The following RAPGEF4 variants were observed in gnomAD, a reference collection of about 807,000 sequenced individuals.
RAPGEF4 encodes Rap guanine nucleotide exchange factor 4.
In RAPGEF4, 66 loss-of-function variants were observed where a neutral mutation model predicts 147.9. The ratio of observed to expected loss-of-function variants is 0.45; its 90% CI spans 0.37 to 0.55. The LOEUF (loss-of-function observed/expected upper bound fraction) is 0.55. Among genes scored for constraint, RAPGEF4 ranks in the 20% least tolerant of loss-of-function variants. RAPGEF4 has a pLI of 0.00. For missense variants in RAPGEF4, 1,071 were observed against 1,257.3 expected (o/e 0.85, Z 2.24); for synonymous variants, 419 against 442.7 (o/e 0.95, Z 0.67).
In RAPGEF4 at chr2:173,034,873, A is replaced by AACACACACACAC. The variant is rs34646146; in HGVS notation, c.2700+935_2700+946dup. On this transcript the variant is annotated intron_variant, in intron 27 of 30. Transcript: ENST00000397081. ...GGGTGACAGAGTGCGACCCCGTCTC[A>AACACACACACAC]ACACACACACACACACACACACACA... Among the ~76,000 whole-genome samples, 889 of 140,934 alleles carry AACACACACACAC rather than the reference A, an allele frequency of 6.3e-3. 13 individuals are homozygous for AACACACACACAC. Among genetic ancestry groups the AACACACACACAC allele is most frequent in the African/African-American group, 0.022 (830 of 37,856 alleles). 92.5% of individuals were successfully genotyped at this position (140,934 alleles called of 152,430 possible). A position where few individuals can be genotyped will look rare whatever the true frequency, so the allele number is the denominator to read the frequency against.
chr2:173,015,672 C>T (rs1260300292), intron 18 of RAPGEF4, among the ~76,000 whole-genome samples: 1 of 152,184 alleles, frequency 6.6e-6, no homozygotes, highest in Non-Finnish European at 1.5e-5. Flanking sequence ...GTGTAGCTGG[C>T]ACTGCCATGG....
chr2:172,943,192 C>G (rs540922893), intron 6 of RAPGEF4, among the ~76,000 whole-genome samples: 1 of 152,192 alleles, frequency 6.6e-6, no homozygotes, highest in Non-Finnish European at 1.5e-5. Flanking sequence ...GAGAGGCAGG[C>G]AGAGGTGATG....
chr2:172,872,254 C>G (rs1695327539), intron 4 of RAPGEF4, among the ~76,000 whole-genome samples: 1 of 152,144 alleles, frequency 6.6e-6, no homozygotes, highest in African/African-American at 2.4e-5. Context: ...TAACAAAACT[C>G]TTCAGAGGCT....
At chr2:172,871,917 C>T (rs1265055033) in intron 4 of RAPGEF4, among the ~76,000 whole-genome samples, 1 of 152,148 alleles carries the variant, frequency 6.6e-6, no homozygotes, top group Non-Finnish European at 1.5e-5. Context: ...AGTTAACCAA[C>T]TTGCTTGGAG....
At chr2:172,867,097 T>C (rs1473308010) in intron 4 of RAPGEF4, among the ~76,000 whole-genome samples, 1 of 151,906 alleles carries the variant, frequency 6.6e-6, no homozygotes, top group African/African-American at 2.4e-5. Flanking sequence ...TCAGTCTCCC[T>C]AGTAGCTGGG....
intron 1 of RAPGEF4, among the ~76,000 whole-genome samples, chr2:172,768,606 G>A (rs181349585): frequency 4.6e-4 from 70 of 152,082 alleles, no homozygotes; most frequent in African/African-American, 1.6e-3. Context: ...TGTAGGTGCC[G>A]GTGACATCAT....
At chr2:172,913,096 A>C (rs1249352727) in intron 4 of RAPGEF4, among the ~76,000 whole-genome samples, 1 of 151,884 alleles carries the variant, frequency 6.6e-6, no homozygotes, top group African/African-American at 2.4e-5. Context: ...GGGTTTCACC[A>C]TGTTGGCCAA....
rs537998754 is a variant in RAPGEF4, at chr2:172,914,743, A to G, written c.445-3059A>G. Among the ~76,000 whole-genome samples the G allele has an allele frequency of 1.8e-4, 28 of 152,360 alleles. No homozygotes were observed. The South Asian group carries it at 5.6e-3, about 30-fold the overall frequency. ...GTATCATTTTACACTGCTATAAGCA[A>G]TATATGAGATAACATGTTTGCTTCA... On this transcript the variant is annotated intron_variant, in intron 4 of 30. Coordinates refer to ENST00000397081, the MANE Select transcript of RAPGEF4 (RefSeq NM_007023.4).
In RAPGEF4 at chr2:172,983,586, T is replaced by C. The variant is rs773794279; in HGVS notation, c.1089+6T>C. Reference sequence around the variant, plus strand: ...TATCCCATCTTTCTACCACAGTAAGTTGTCTCTTAGTTTAGCATGGTTGGA... The same window carrying C: ...TATCCCATCTTTCTACCACAGTAAGCTGTCTCTTAGTTTAGCATGGTTGGA... On this transcript the variant is annotated splice_donor_region_variant and intron_variant, in intron 11 of 30. Transcript: ENST00000397081. 3.7e-6 allele frequency: 6 copies of C among 1,613,408 alleles called. No individual in the cohort carries two copies. The highest frequency in any genetic ancestry group is 5.1e-6 in the Non-Finnish European group (6 of 1,179,844).
chr2:172,987,732 G>A (rs1396851134), intron 12 of RAPGEF4, among the ~76,000 whole-genome samples: 1 of 152,192 alleles, frequency 6.6e-6, no homozygotes, highest in Admixed American at 6.5e-5. Context: ...AGCATCTGTG[G>A]ATTTTGATAT....
In RAPGEF4 at chr2:172,996,415, A is replaced by G. The variant is rs1693368705; in HGVS notation, c.1491-51A>G. 8 of 1,112,544 alleles carry G rather than the reference A, an allele frequency of 7.2e-6. No homozygotes were observed. In the Admixed American group the frequency reaches 1.9e-4, roughly 27 times the overall value. 68.9% of individuals were successfully genotyped at this position (1,112,544 alleles called of 1,614,324 possible). On this transcript the variant is annotated intron_variant, in intron 15 of 30. Coordinates refer to ENST00000397081, the MANE Select transcript of RAPGEF4 (RefSeq NM_007023.4). ...AACTTAGATAAGTAAAAGTTTTTTT[A>G]ATGATTTGCCCACTTTTGAAAAATT...
chr2:172,923,362 G>A (rs930702957), intron 6 of RAPGEF4, among the ~76,000 whole-genome samples: 4 of 151,994 alleles, frequency 2.6e-5, no homozygotes, highest in East Asian at 1.9e-4. Flanking sequence ...TCTGCCTCCC[G>A]GATTCAAGTG....
chr2:172,926,133 C>T (rs1311267854), intron 6 of RAPGEF4, among the ~76,000 whole-genome samples: 1 of 151,896 alleles, frequency 6.6e-6, no homozygotes, highest in African/African-American at 2.4e-5. Context: ...GCCAATAAAG[C>T]AAGTTGATTA....
intron 6 of RAPGEF4, among the ~76,000 whole-genome samples, chr2:172,945,236 C>T (rs1687572186): frequency 6.6e-6 from 1 of 151,996 alleles, no homozygotes; most frequent in Non-Finnish European, 1.5e-5. Flanking sequence ...ATGTAGTATG[C>T]TACTTTTCTG....
At chr2:173,005,528 T>TTTTTTG (rs1345201820) in intron 17 of RAPGEF4, among the ~76,000 whole-genome samples, 4,104 of 136,954 alleles carry the variant, frequency 0.03, 260 homozygotes, top group African/African-American at 0.097. Context: ...GTGTTTTTTT[T>TTTTTTG]TTTTTTTTTT....
chr2:172,841,791 AAC>A (rs3064818), intron 4 of RAPGEF4, among the ~76,000 whole-genome samples: 1,700 of 146,732 alleles, frequency 0.012, 15 homozygotes, highest in African/African-American at 0.035. Flanking sequence ...TTGGCTGAAT[AAC>A]ACACACACAC....
intron 1 of RAPGEF4, among the ~76,000 whole-genome samples, chr2:172,737,171 C>A (rs1408423676): frequency 2.6e-5 from 4 of 152,184 alleles, no homozygotes; most frequent in Non-Finnish European, 2.9e-5. Flanking sequence ...TCTTGACTTT[C>A]AATTACCACT....
chr2:172,850,045 G>C (rs1559074673), intron 4 of RAPGEF4, among the ~76,000 whole-genome samples: 1 of 152,124 alleles, frequency 6.6e-6, no homozygotes, highest in Admixed American at 6.5e-5. Flanking sequence ...TCTCAGTTTT[G>C]ATGAGCCTGT....
chr2:172,750,644 A>G (rs1484364139), intron 1 of RAPGEF4, among the ~76,000 whole-genome samples: 1 of 152,134 alleles, frequency 6.6e-6, no homozygotes, highest in Non-Finnish European at 1.5e-5. Context: ...CCTCAATGAC[A>G]CTTGTTATTT....
Sources: gnomAD v4.1 joint callset for allele counts (sites outside exome capture counted in the v4.1 genomes callset) on GRCh38, gnomAD v4.1.1 for gene constraint, MANE v1.5 for transcripts, NCBI Gene and HGNC (gene_info 2026-07-23, HGNC 2026-07-21) for gene names.